The following KRT72 variants were observed in gnomAD, a reference collection of about 807,000 sequenced individuals.
The protein encoded by KRT72 is keratin, type II cytoskeletal 72.
A neutral mutation model predicts 44.7 loss-of-function variants in KRT72; 44 were observed. The ratio of observed to expected loss-of-function variants is 0.98; its 90% CI spans 0.77 to 1.27. KRT72 has a LOEUF of 1.27. Ranked by LOEUF, KRT72 falls within the 50% of genes most tolerant of loss-of-function variation. KRT72 has a pLI of 0.00. For missense variants in KRT72, 736 were observed against 667.1 expected (o/e 1.10, Z -1.14); for synonymous variants, 302 against 280.4 (o/e 1.08, Z -0.77).
At chr12:52,592,866 T>G in intron 3 of KRT72, 26 bp downstream of exon 3, 1 of 1,609,924 alleles carries the variant, frequency 6.2e-7, no homozygotes, top group African/African-American at 1.3e-5. Context: ...CTAGGCTTCT[T>G]CCAGCCCACC....
Position 52,590,867 on chromosome 12 carries a change from A to G in KRT72, c.1058T>C (p.Ile353Thr). The change falls in exon 6 of 9, where the codon ATC (isoleucine) becomes ACC (threonine). Residue 353 changes from isoleucine to threonine, a missense_variant. Transcript: ENST00000293745. The stretch of plus-strand genomic sequence containing the variant: ...CTTCACATTCCCTATCTCTGAGCGG[A>G]TCCTCTGGATCAGGCGGTTGAGCTC... ...ISELNRLIQR[I>T]RSEIGNVKKQ... 1 of 1,597,800 alleles carries G rather than the reference A, an allele frequency of 6.3e-7. No homozygotes were observed. Among genetic ancestry groups the G allele is most frequent in the South Asian group, 1.1e-5 (1 of 89,358 alleles).
At chr12:52,602,011 G>A (rs1209502296), upstream of KRT72, among the ~76,000 whole-genome samples, 1 of 152,214 alleles carries the variant, frequency 6.6e-6, no homozygotes, top group Non-Finnish European at 1.5e-5. Flanking sequence ...AGTTCAGAAG[G>A]AGGAGATTTT....
chr12:52,600,500 TG>T (rs937628518), intron 1 of KRT72, among the ~76,000 whole-genome samples: 2 of 152,190 alleles, frequency 1.3e-5, no homozygotes, highest in African/African-American at 4.8e-5. Flanking sequence ...CCACGTGTTG[TG>T]GGAGGGACCC....
upstream of KRT72, among the ~76,000 whole-genome samples, chr12:52,602,647 C>A (rs1365984386): frequency 6.6e-6 from 1 of 152,228 alleles, no homozygotes; most frequent in Non-Finnish European, 1.5e-5. Context: ...CCTGGATTCA[C>A]CCTTCCCTCC....
chr12:52,598,455 A>T (rs1940292200), intron 2 of KRT72, among the ~76,000 whole-genome samples: 1 of 152,216 alleles, frequency 6.6e-6, no homozygotes, highest in Admixed American at 6.5e-5. Flanking sequence ...ATTCTCAATC[A>T]TCCTCAAACA....
intron 8 of KRT72, 39 bp downstream of exon 8, chr12:52,586,907 A>G: frequency 6.3e-7 from 1 of 1,597,310 alleles, no homozygotes; most frequent in South Asian, 1.1e-5. Context: ...ACTTCTGGTA[A>G]GGTGACCAAG....
chr12:52,592,276 G>T, intron 4 of KRT72, 120 bp downstream of exon 4: 2 of 713,516 alleles, frequency 2.8e-6, no homozygotes, highest in Non-Finnish European at 2.5e-6. Flanking sequence ...TGAATGTCAG[G>T]GGCACCAGGT....
upstream of KRT72, among the ~76,000 whole-genome samples, chr12:52,602,887 C>T (rs907028452): frequency 3.3e-5 from 5 of 152,292 alleles, no homozygotes; most frequent in East Asian, 5.8e-4. Flanking sequence ...AGCGTTTACT[C>T]CACGGGGAAC....
intron 2 of KRT72, among the ~76,000 whole-genome samples, chr12:52,598,183 T>TCCTGTTTATTGGAAGTATGTGCCAGGCA (rs1164512193): frequency 6.6e-6 from 1 of 152,238 alleles, no homozygotes; most frequent in South Asian, 2.1e-4. Flanking sequence ...TTCCTTAGGT[T>TCCTGTTTATTGGAAGTATGTGCCAGGCA]CTCCATGCAG....
At chr12:52,591,738 T>C in intron 4 of KRT72, 110 bp from the exon 5 acceptor site, 2 of 1,106,956 alleles carry the variant, frequency 1.8e-6, no homozygotes, top group South Asian at 1.6e-5. Context: ...TCCTCAGCGT[T>C]TGAACTCTGC....
In KRT72 at chr12:52,592,896, T is replaced by C; in HGVS notation, c.698A>G (p.Lys233Arg). 2.5e-6 allele frequency: 4 copies of C among 1,613,896 alleles called. No homozygotes were observed. Among genetic ancestry groups the C allele is most frequent in the Non-Finnish European group, 3.4e-6 (4 of 1,179,874 alleles). ...TAAENEFVVL[K>R]KDVDAAYMNK... ...CCCACCTGGCACCCCTCTTACCTTC[T>C]TGAGCACCACAAACTCATTCTCAGC... Residue 233 changes from lysine to arginine, a missense_variant, in exon 3 of 9, where the codon AAG (lysine) becomes AGG (arginine). Physicochemically the swap from Lys to Arg is conservative, Grantham distance 26. Transcript: ENST00000293745.
intron 1 of KRT72, 72 bp from the exon 2 acceptor site, chr12:52,599,184 A>AT: frequency 6.8e-7 from 1 of 1,467,676 alleles, no homozygotes; most frequent in Non-Finnish European, 9.5e-7. Context: ...AAGGGCCCCA[A>AT]AAACCAGAGG....
upstream of KRT72, among the ~76,000 whole-genome samples, chr12:52,602,891 G>A (rs370720335): frequency 6.3e-4 from 96 of 152,304 alleles, no homozygotes; most frequent in African/African-American, 2.2e-3. Context: ...TTTACTCCAC[G>A]GGGAACAAAG....
At chr12:52,590,527 C>T (rs912093174) in intron 6 of KRT72, among the ~76,000 whole-genome samples, 4 of 152,218 alleles carry the variant, frequency 2.6e-5, no homozygotes, top group Non-Finnish European at 5.9e-5. Flanking sequence ...ACGTGCTGTG[C>T]ACATCACTAC....
intron 2 of KRT72, among the ~76,000 whole-genome samples, chr12:52,593,516 T>C (rs1484165129): frequency 1.3e-5 from 2 of 152,224 alleles, no homozygotes; most frequent in Non-Finnish European, 2.9e-5. Context: ...GTACTAACCA[T>C]TTTATTTAAA....
chr12:52,601,127 G>A lies in KRT72; in HGVS notation c.326C>T (p.Pro109Leu), dbSNP rs376183911. The change falls in exon 1 of 9, where the codon CCG (proline) becomes CTG (leucine). Residue 109 changes from proline (P) to leucine (L), a missense_variant. Transcript: ENST00000293745. ...QVTVNKSLLA[P>L]LNVEMDPEIQ... ...CTCGGGGTCCATCTCCACGTTGAGC[G>A]GGGCCAGGAGGCTCTTGTTGACGGT... The A allele has an allele frequency of 2.5e-6, 4 of 1,613,408 alleles. No individual in the cohort carries two copies. The highest frequency in any genetic ancestry group is 2.2e-5 in the East Asian group (1 of 44,826).
upstream of KRT72, chr12:52,601,696 A>G (rs1940471457): frequency 1.9e-6 from 1 of 531,478 alleles, no homozygotes; most frequent in Non-Finnish European, 3.3e-6. Context: ...AAAGTGACCC[A>G]GAACCCAGCA....
chr12:52,601,267 A>G lies in KRT72; in HGVS notation c.186T>C (p.Ala62=). 1.3e-6 allele frequency: 2 copies of G among 1,556,914 alleles called. No individual in the cohort carries two copies. Among genetic ancestry groups the G allele is most frequent in the Non-Finnish European group, 1.7e-6 (2 of 1,151,290 alleles). The change falls in exon 1 of 9, where the codon GCT becomes GCC. Residue 62 remains alanine (A), a synonymous_variant. Transcript: ENST00000293745. ...LGGSRSLALS[A]AARRGGGRLG... is the part of the protein sequence containing the mutation. ...GGCGGCCGCCGCCCCGCCGTGCAGC[A>G]GCGCTGAGCGCCAGGCTTCGGCTGC...
intron 4 of KRT72, 27 bp downstream of exon 4, chr12:52,592,369 C>T: frequency 6.7e-7 from 1 of 1,498,698 alleles, no homozygotes; most frequent in Non-Finnish European, 9.3e-7. Context: ...GAGCAGATCT[C>T]ACAAGAGAGG....
Sources: allele counts gnomAD v4.1 joint callset (sites outside exome capture counted in the v4.1 genomes callset), GRCh38; gene constraint gnomAD v4.1.1; transcripts MANE v1.5; gene names NCBI Gene and HGNC (gene_info 2026-07-23, HGNC 2026-07-21).